Variants in C4orf50 observed in about 807,000 individuals in gnomAD.
C4orf50 encodes the protein chromosome 4 open reading frame 50, also known as uncharacterized protein C4orf50.
A neutral mutation model predicts 77.2 loss-of-function variants in C4orf50; 80 were observed. The observed-to-expected ratio is 1.04, with a 90% CI of 0.87 to 1.25. The LOEUF (loss-of-function observed/expected upper bound fraction) is 1.25, where lower values mean the gene tolerates loss of function less well. Ranked by LOEUF, C4orf50 falls within the 50% of genes most tolerant of loss-of-function variation. The pLI is 0.00. For missense variants in C4orf50, 1,257 were observed against 1,152.9 expected (o/e 1.09, Z -1.31); for synonymous variants, 532 against 465.3 (o/e 1.14, Z -1.84).
chr4:5,954,403 C>A (rs951557570), downstream of C4orf50, among the ~76,000 whole-genome samples: 1 of 152,154 alleles, frequency 6.6e-6, no homozygotes, highest in Non-Finnish European at 1.5e-5. This position sits in a 1 kb window ranked among gnomAD's most constrained non-coding sequence, Gnocchi z 4.7. Context: ...AAATTACTCT[C>A]GGCCACTCAG....
downstream of C4orf50, among the ~76,000 whole-genome samples, chr4:5,955,218 C>A (rs1205545858): frequency 3.3e-5 from 5 of 152,120 alleles, no homozygotes; most frequent in Non-Finnish European, 5.9e-5. This position sits in a 1 kb window ranked among gnomAD's most constrained non-coding sequence, Gnocchi z 5.1. Flanking sequence ...CCTCCTTGAG[C>A]GCTTCACAGA....
chr4:5,989,472 C>T lies in C4orf50; in HGVS notation c.2574G>A (p.Trp858Ter), dbSNP rs1218621323. 5 of 1,536,064 alleles carry T rather than the reference C, an allele frequency of 3.3e-6. No homozygotes were observed. The highest frequency in any genetic ancestry group is 1.7e-4 in the Middle Eastern group (1 of 5,990). Residue 858 changes from tryptophan to a stop codon, truncating the protein, a stop_gained, in exon 28 of 34, where the codon TGG becomes TGA. Coordinates refer to ENST00000531445, the Ensembl canonical transcript of C4orf50. LOFTEE classifies it high-confidence loss of function. ...CATTAGAACAAATACCCCAATTTCC[C>T]CAAACCTGCTGAGAGTGAGCTCTCT...
At chr4:5,957,681 G>GAATA (rs1192545264) in exon 34 of C4orf50, 8 of 152,172 alleles carry the variant, frequency 5.3e-5, no homozygotes, top group East Asian at 1.9e-4. Flanking sequence ...AATGCATATT[G>GAATA]AATAAATAAA....
intron 7 of C4orf50, among the ~76,000 whole-genome samples, chr4:5,936,261 G>C (rs1718008065): frequency 1.3e-5 from 2 of 151,766 alleles, no homozygotes; most frequent in African/African-American, 2.4e-5. Context: ...CTAGAATATA[G>C]CTTAGAAAGA....
In C4orf50 at chr4:6,009,177, C is replaced by T. The variant is rs1481263142; in HGVS notation, c.427-645G>A. Among the ~76,000 whole-genome samples, 2 of 152,222 alleles carry T rather than the reference C, an allele frequency of 1.3e-5. No individual in the cohort carries two copies. The highest frequency in any genetic ancestry group is 2.1e-4 in the South Asian group (1 of 4,832). ...TTGTATCTGACTCAGGCCTTTTCTT[C>T]TTTCATCTGCCCACCTGCCTGGCCT... On this transcript the variant is annotated intron_variant, in intron 24 of 33. Coordinates refer to ENST00000531445, the Ensembl canonical transcript of C4orf50. The surrounding 1 kb of genome is among the most constrained non-coding windows in gnomAD (Gnocchi z 5.6).
intron 7 of C4orf50, among the ~76,000 whole-genome samples, chr4:5,934,494 G>A (rs1282666635): frequency 3.3e-5 from 5 of 152,054 alleles, no homozygotes; most frequent in African/African-American, 4.8e-5. Context: ...GTCCTCTGCC[G>A]TCTGGCCCCT....
At position 5,977,192 on chromosome 4, in the gene C4orf50, C is replaced by T. The variant is rs866596516; in HGVS notation, c.3865-1237G>A. ...TGCCACTGAGTCATGCCCACTGATC[C>T]CCTGGAGGGCGGAACAGCCTAGCCG... On this transcript the variant is annotated intron_variant, in intron 29 of 33. Coordinates refer to ENST00000531445, the Ensembl canonical transcript of C4orf50. 2.0e-5 allele frequency among the ~76,000 whole-genome samples: 3 copies of T among 152,294 alleles called. No individual in the cohort carries two copies. The South Asian group carries it at 6.2e-4, about 32-fold the overall frequency.
At chr4:5,961,118 GTTTAGCTTTTTGTTTTGAA>G (rs1719251215) in intron 33 of C4orf50, among the ~76,000 whole-genome samples, 1 of 152,204 alleles carries the variant, frequency 6.6e-6, no homozygotes, top group Non-Finnish European at 1.5e-5. Context: ...TTTTAACGTA[GTTTAGCTTTTTGTTTTGAA>G]ATGAATGTCT....
Position 5,984,507 on chromosome 4 carries a change from C to T in C4orf50, c.3699+3840G>A, listed in dbSNP as rs146422171. Reference sequence around the variant, plus strand: ...TGGATGTACAGATGGACTATTTCAACGGAGAACCAGAATCTCTTTTTAAAA... The same window carrying T: ...TGGATGTACAGATGGACTATTTCAATGGAGAACCAGAATCTCTTTTTAAAA... On this transcript the variant is annotated intron_variant, in intron 28 of 33. Coordinates refer to ENST00000531445, the Ensembl canonical transcript of C4orf50. Among the ~76,000 whole-genome samples, 172 of 152,174 alleles carry T rather than the reference C, an allele frequency of 1.1e-3. 3 individuals carry two copies. Among genetic ancestry groups the T allele is most frequent in the African/African-American group, 3.6e-3 (148 of 41,520 alleles).
chr4:5,982,725 C>T (rs1720659807), intron 28 of C4orf50, among the ~76,000 whole-genome samples: 1 of 152,024 alleles, frequency 6.6e-6, no homozygotes, highest in African/African-American at 2.4e-5. Context: ...AGGAGACACA[C>T]ATGAGCTGGG....
intron 33 of C4orf50, among the ~76,000 whole-genome samples, chr4:5,960,291 C>T (rs974460203): frequency 1.3e-5 from 2 of 152,222 alleles, no homozygotes; most frequent in Non-Finnish European, 1.5e-5. Context: ...CATCTCACAC[C>T]TCTCAGGCAC....
At chr4:5,928,407 A>T (rs1240521148) in intron 7 of C4orf50, among the ~76,000 whole-genome samples, 1 of 151,694 alleles carries the variant, frequency 6.6e-6, no homozygotes, top group East Asian at 1.9e-4. Flanking sequence ...CACCCTGAAG[A>T]TACCTCGGAC....
At chr4:5,988,281 T>G in intron 28 of C4orf50, 66 bp downstream of exon 6, 3 of 1,561,450 alleles carry the variant, frequency 1.9e-6, no homozygotes. Flanking sequence ...ATTGCATAAG[T>G]GAATGGGGTG....
At chr4:5,945,512 C>G (rs574755130) in intron 7 of C4orf50, among the ~76,000 whole-genome samples, 1 of 152,274 alleles carries the variant, frequency 6.6e-6, no homozygotes, top group Admixed American at 6.5e-5. Context: ...ACCTGCAGAT[C>G]GGAGACCCAC....
chr4:5,976,281 TA>T lies in C4orf50; in HGVS notation c.3865-327del, dbSNP rs546363949. On this transcript the variant is annotated intron_variant, in intron 29 of 33. Transcript: ENST00000531445. ...TAACACAGTGAAACCCCATCTCTAC[TA>T]AAAAAAAAAATACAAAAAAAAAAAT... Among the ~76,000 whole-genome samples, 1,356 of 139,424 alleles carry T rather than the reference TA, an allele frequency of 9.7e-3. 23 individuals carry two copies. The highest frequency in any genetic ancestry group is 0.032 in the African/African-American group (1,193 of 37,818). 91.5% of individuals were successfully genotyped at this position (139,424 alleles called of 152,430 possible). A position where few individuals can be genotyped will look rare whatever the true frequency, so the allele number is the denominator to read the frequency against.
chr4:5,941,211 T>C (rs1213365821), intron 7 of C4orf50, among the ~76,000 whole-genome samples: 1 of 152,256 alleles, frequency 6.6e-6, no homozygotes, highest in Non-Finnish European at 1.5e-5. Flanking sequence ...CCAGAGTCTA[T>C]GCTGAGTGTT....
At chr4:5,988,708 C>A (rs767172340) in exon 28 of C4orf50, 1 of 1,536,124 alleles carries the variant, frequency 6.5e-7, no homozygotes, top group African/African-American at 1.4e-5. Context: ...CCTCACCAAA[C>A]GCCCCTGATC....
At chr4:5,972,930 C>A (rs1720018129) in intron 31 of C4orf50, among the ~76,000 whole-genome samples, 1 of 152,206 alleles carries the variant, frequency 6.6e-6, no homozygotes, top group Non-Finnish European at 1.5e-5. Flanking sequence ...CCTGTGTGAC[C>A]CGGAGCACAT....
chr4:5,996,083 T>C (rs1441103384), intron 25 of C4orf50, among the ~76,000 whole-genome samples: 5 of 152,224 alleles, frequency 3.3e-5, no homozygotes, highest in Admixed American at 2.6e-4. Flanking sequence ...TGCCCATCTA[T>C]GGGCTGTCAT....
Sources: gnomAD v4.1 joint callset for allele counts (sites outside exome capture counted in the v4.1 genomes callset) on GRCh38, gnomAD v4.1.1 for gene constraint, Gnocchi (gnomAD v3.1) non-coding constraint, MANE v1.5 for transcripts, NCBI Gene and HGNC (gene_info 2026-07-23, HGNC 2026-07-21) for gene names.